The following RGS22 variants were observed in gnomAD, a reference collection of about 807,000 sequenced individuals.
The protein encoded by RGS22 is regulator of G protein signaling 22.
RGS22 carries 148 observed loss-of-function variants against 172.9 expected under a neutral mutation model. The observed-to-expected ratio is 0.86, with a 90% CI of 0.75 to 0.98. The LOEUF is 0.98. RGS22 is among the 50% of genes least tolerant of loss of function. The pLI, the probability that RGS22 is intolerant of heterozygous loss-of-function variation, is 0.00. For synonymous variants in RGS22, 458 were observed against 480.2 expected (o/e 0.95, Z 0.60); for missense variants, 1,347 against 1,440.8 (o/e 0.93, Z 1.05).
At chr8:99,980,782 A>G (rs1163958222) in intron 22 of RGS22, among the ~76,000 whole-genome samples, 3 of 152,180 alleles carry the variant, frequency 2.0e-5, no homozygotes, top group African/African-American at 7.2e-5. Context: ...CCAGACATTT[A>G]CCGTCAGACT....
chr8:99,968,319 T>G (rs1810975233), intron 23 of RGS22, among the ~76,000 whole-genome samples: 1 of 152,060 alleles, frequency 6.6e-6, no homozygotes, highest in Admixed American at 6.5e-5. Context: ...CCAGAATGCC[T>G]CTTCTCCTCC....
At chr8:100,039,255 T>C (rs944055826) in intron 13 of RGS22, among the ~76,000 whole-genome samples, 3 of 152,136 alleles carry the variant, frequency 2.0e-5, no homozygotes, top group Non-Finnish European at 4.4e-5. Flanking sequence ...CTCACATAAT[T>C]AGTCATTAAA....
intron 11 of RGS22, among the ~76,000 whole-genome samples, chr8:100,047,208 A>G (rs755764594): frequency 1.3e-5 from 2 of 152,176 alleles, no homozygotes; most frequent in Non-Finnish European, 2.9e-5. Flanking sequence ...AAAGAATTAG[A>G]GGGCAATCTT....
intron 2 of RGS22, among the ~76,000 whole-genome samples, chr8:100,095,916 A>G (rs185005691): frequency 5.3e-4 from 80 of 152,362 alleles, no homozygotes; most frequent in Middle Eastern, 3.4e-3. Flanking sequence ...CCACAATGGG[A>G]AATAAGTGTT....
intron 20 of RGS22, among the ~76,000 whole-genome samples, chr8:99,989,466 T>C (rs1410554874): frequency 1.3e-5 from 2 of 152,246 alleles, no homozygotes; most frequent in Admixed American, 1.3e-4. Flanking sequence ...TTTGATTTTT[T>C]ATGTATGCTC....
At chr8:100,087,459 A>G (rs1306685364) in intron 3 of RGS22, among the ~76,000 whole-genome samples, 1 of 152,174 alleles carries the variant, frequency 6.6e-6, no homozygotes, top group Non-Finnish European at 1.5e-5. Flanking sequence ...GTGCATGAAA[A>G]TATTTTTACC....
At chr8:100,078,354 T>A in intron 4 of RGS22, among the ~76,000 whole-genome samples, 1 of 151,664 alleles carries the variant, frequency 6.6e-6, no homozygotes, top group East Asian at 1.9e-4. Context: ...TCCTCCTGCC[T>A]CAGCCTCCTA....
At position 100,105,957 on chromosome 8, in the gene RGS22, G is replaced by C; in HGVS notation, c.-36C>G. 2 of 1,423,690 alleles carry C rather than the reference G, an allele frequency of 1.4e-6. No individual in the cohort carries two copies. The highest frequency in any genetic ancestry group is 9.1e-7 in the Non-Finnish European group (1 of 1,094,586). 88.2% of individuals were successfully genotyped at this position (1,423,690 alleles called of 1,614,324 possible). On this transcript the variant is annotated 5_prime_UTR_variant, in exon 1 of 28. Coordinates refer to ENST00000360863, the MANE Select transcript of RGS22 (RefSeq NM_015668.5). ...CTGCCCGCGCCTGGAGCCCGCGCGG[G>C]CCGTCAGGGCCCTAGCGCGCGGGTC...
intron 2 of RGS22, among the ~76,000 whole-genome samples, chr8:100,103,606 C>T (rs1199530068): frequency 6.6e-6 from 1 of 151,128 alleles, no homozygotes; most frequent in African/African-American, 2.4e-5. Flanking sequence ...AAAGTGGTGT[C>T]TGGACTGGAG....
chr8:100,055,475 C>G (rs1822146284), intron 9 of RGS22, among the ~76,000 whole-genome samples: 1 of 152,162 alleles, frequency 6.6e-6, no homozygotes, highest in South Asian at 2.1e-4. Context: ...TCACAATACC[C>G]AAGTCCTTTC....
chr8:100,032,529 G>A (rs1216708154), intron 14 of RGS22, among the ~76,000 whole-genome samples: 10 of 152,064 alleles, frequency 6.6e-5, no homozygotes, highest in Non-Finnish European at 1.3e-4. Flanking sequence ...AGTCCTTAGA[G>A]ACCTACAAAG....
At chr8:100,076,218 T>C (rs1362818544) in intron 4 of RGS22, among the ~76,000 whole-genome samples, 1 of 152,232 alleles carries the variant, frequency 6.6e-6, no homozygotes, top group Non-Finnish European at 1.5e-5. Context: ...GTGAAAGTTT[T>C]GCATTTTGAT....
At chr8:100,038,858 T>G (rs1819789876) in intron 14 of RGS22, 73 bp downstream of exon 14, 3 of 860,402 alleles carry the variant, frequency 3.5e-6, no homozygotes, top group Admixed American at 5.7e-5. Context: ...ATTTCTCGTT[T>G]GGGACTGGAC....
At chr8:99,980,219 C>A (rs575776299) in intron 22 of RGS22, among the ~76,000 whole-genome samples, 30 of 152,264 alleles carry the variant, frequency 2.0e-4, no homozygotes, top group African/African-American at 7.2e-4. Flanking sequence ...CAGGTGTGAG[C>A]CAGTGTGCTG....
At chr8:99,973,159 A>C (rs1039453893) in intron 23 of RGS22, among the ~76,000 whole-genome samples, 14 of 152,174 alleles carry the variant, frequency 9.2e-5, no homozygotes, top group African/African-American at 3.1e-4. Context: ...CAATCCCATT[A>C]CTGGGGATAT....
chr8:100,045,405 C>T (rs1186716900), intron 11 of RGS22, among the ~76,000 whole-genome samples: 1 of 152,210 alleles, frequency 6.6e-6, no homozygotes, highest in East Asian at 1.9e-4. Flanking sequence ...AATCATCTGC[C>T]TCCTCCAGTC....
At chr8:100,027,713 G>C (rs1241668384) in intron 14 of RGS22, among the ~76,000 whole-genome samples, 1 of 152,024 alleles carries the variant, frequency 6.6e-6, no homozygotes, top group African/African-American at 2.4e-5. Flanking sequence ...GAACTCCTGA[G>C]CTCAGTTGAT....
intron 14 of RGS22, among the ~76,000 whole-genome samples, chr8:100,033,942 C>G (rs1176303672): frequency 2.0e-5 from 3 of 152,246 alleles, no homozygotes; most frequent in Non-Finnish European, 4.4e-5. Flanking sequence ...TCTCAATAAA[C>G]TAGGTATTGA....
chr8:100,010,086 G>A (rs151203593), intron 14 of RGS22, among the ~76,000 whole-genome samples: 1 of 152,052 alleles, frequency 6.6e-6, no homozygotes, highest in Non-Finnish European at 1.5e-5. Context: ...ATTTCCCTAA[G>A]TCTTGCTATT....
Sources: allele counts gnomAD v4.1 joint callset (sites outside exome capture counted in the v4.1 genomes callset), GRCh38; gene constraint gnomAD v4.1.1; transcripts MANE v1.5; gene names NCBI Gene and HGNC (gene_info 2026-07-23, HGNC 2026-07-21).